The following CDH10 variants were observed in gnomAD, a reference collection of about 807,000 sequenced individuals.
The protein encoded by CDH10 is cadherin 10.
A neutral mutation model predicts 73.1 loss-of-function variants in CDH10; 30 were observed. The observed-to-expected ratio is 0.41, with a 90% confidence interval of 0.31 to 0.56. The LOEUF (loss-of-function observed/expected upper bound fraction) is 0.56. Ranked by LOEUF, CDH10 falls within the 20% of genes least tolerant of loss-of-function variation. The pLI is 0.27. For synonymous variants in CDH10, 345 were observed against 348.2 expected (o/e 0.99, Z 0.10); for missense variants, 815 against 973.7 (o/e 0.84, Z 2.17).
chr5:24,556,570 A>G (rs1744776846), intron 2 of CDH10, among the ~76,000 whole-genome samples: 1 of 151,790 alleles, frequency 6.6e-6, no homozygotes, highest in Non-Finnish European at 1.5e-5. Flanking sequence ...TATTTAATTA[A>G]AATCAGTTAT....
chr5:24,532,302 T>G (rs1033670088), intron 5 of CDH10, among the ~76,000 whole-genome samples: 1 of 152,072 alleles, frequency 6.6e-6, no homozygotes, highest in African/African-American at 2.4e-5. Context: ...GTCAACATTA[T>G]TGGATGCATA....
chr5:24,571,693 T>C (rs1745385972), intron 2 of CDH10, among the ~76,000 whole-genome samples: 1 of 140,828 alleles, frequency 7.1e-6, no homozygotes, highest in South Asian at 2.4e-4. Flanking sequence ...AATTCTATAA[T>C]AGCAATAGTT....
At chr5:24,633,045 T>G (rs759640981) in intron 1 of CDH10, among the ~76,000 whole-genome samples, 2 of 151,866 alleles carry the variant, frequency 1.3e-5, no homozygotes, top group East Asian at 3.9e-4. Context: ...GCTTATATAT[T>G]CCTATGAGCT....
At chr5:24,522,842 A>G (rs959845997) in intron 5 of CDH10, among the ~76,000 whole-genome samples, 9 of 152,184 alleles carry the variant, frequency 5.9e-5, no homozygotes, top group South Asian at 2.1e-4. Context: ...ATTTTAGCAC[A>G]TGAGACCTAA....
intron 1 of CDH10, among the ~76,000 whole-genome samples, chr5:24,632,559 C>T (rs1175561816): frequency 6.6e-6 from 1 of 151,950 alleles, no homozygotes; most frequent in Non-Finnish European, 1.5e-5. Flanking sequence ...TTCAGTCAGA[C>T]TATTGGGCTG....
At chr5:24,600,740 T>C (rs1232181060) in intron 1 of CDH10, among the ~76,000 whole-genome samples, 1 of 152,118 alleles carries the variant, frequency 6.6e-6, no homozygotes, top group African/African-American at 2.4e-5. Context: ...CATAGGTATG[T>C]AATGGGTTAT....
At chr5:24,495,783 C>T (rs1443283097) in intron 9 of CDH10, among the ~76,000 whole-genome samples, 10 of 149,814 alleles carry the variant, frequency 6.7e-5, no homozygotes, top group African/African-American at 1.7e-4. Flanking sequence ...ACCCAGGAGG[C>T]GGAGGTTGCA....
chr5:24,580,343 G>T (rs947957172), intron 2 of CDH10, among the ~76,000 whole-genome samples: 1 of 151,952 alleles, frequency 6.6e-6, no homozygotes, highest in African/African-American at 2.4e-5. Flanking sequence ...GATTTAGATG[G>T]CAAAGTTATA....
chr5:24,624,256 G>T (rs1321611166), intron 1 of CDH10, among the ~76,000 whole-genome samples: 1 of 152,010 alleles, frequency 6.6e-6, no homozygotes, highest in Non-Finnish European at 1.5e-5. Context: ...ACATTGTATT[G>T]TCTGATGCCA....
At chr5:24,493,622 T>C (rs1036983460) in intron 9 of CDH10, among the ~76,000 whole-genome samples, 8 of 151,872 alleles carry the variant, frequency 5.3e-5, no homozygotes, top group Admixed American at 4.6e-4. Context: ...CAAATATGTA[T>C]GTATGATGTA....
chr5:24,591,998 C>T (rs1746215668), intron 2 of CDH10, among the ~76,000 whole-genome samples: 2 of 151,974 alleles, frequency 1.3e-5, no homozygotes, highest in South Asian at 2.1e-4. Context: ...GCAACCTTCA[C>T]TCTCTATTCC....
chr5:24,518,355 T>C (rs904426440), intron 5 of CDH10, among the ~76,000 whole-genome samples: 3 of 152,060 alleles, frequency 2.0e-5, no homozygotes, highest in African/African-American at 7.2e-5. Flanking sequence ...CAAACGCATG[T>C]TGGAGACAGA....
intron 1 of CDH10, among the ~76,000 whole-genome samples, chr5:24,627,817 C>CA (rs1747563345): frequency 6.8e-6 from 1 of 147,132 alleles, no homozygotes; most frequent in Admixed American, 6.7e-5. Flanking sequence ...AGTGAAAGCA[C>CA]AACGATAGCT....
intron 1 of CDH10, among the ~76,000 whole-genome samples, chr5:24,604,898 A>AAAAAAAAAAAAAAC (rs1746703525): frequency 6.8e-6 from 1 of 147,496 alleles, no homozygotes; most frequent in African/African-American, 2.6e-5. Context: ...AAAAAAAACA[A>AAAAAAAAAAAAAAC]AAACAAACAA....
chr5:24,633,989 A>G (rs1579491044), intron 1 of CDH10, among the ~76,000 whole-genome samples: 1 of 151,898 alleles, frequency 6.6e-6, no homozygotes, highest in East Asian at 1.9e-4. Context: ...CAGAAATATT[A>G]GCAGCAATTT....
chr5:24,641,563 G>T, intron 1 of CDH10, among the ~76,000 whole-genome samples: 1 of 152,132 alleles, frequency 6.6e-6, no homozygotes, highest in East Asian at 1.9e-4. Context: ...TAAGTGTCAA[G>T]AAAAGATAAA....
At chr5:24,604,462 G>T (rs1281489521) in intron 1 of CDH10, among the ~76,000 whole-genome samples, 1 of 152,130 alleles carries the variant, frequency 6.6e-6, no homozygotes, top group Non-Finnish European at 1.5e-5. Context: ...AATTGGTAAA[G>T]ATTTCTTTGA....
Position 24,535,199 on chromosome 5 carries a change from C to G in CDH10, c.727G>C (p.Gly243Arg), listed in dbSNP as rs566786330. 5 of 1,613,466 alleles carry G rather than the reference C, an allele frequency of 3.1e-6. No individual in the cohort carries two copies. The highest frequency in any genetic ancestry group is 4.2e-6 in the Non-Finnish European group (5 of 1,179,656). The part of the protein sequence containing the change: ...YQVVIQAKDM[G>R]GQMGGLSGTT... ...CCCGATAAGCCTCCCATCTGGCCGC[C>G]CATGTCTTTGGCCTGGATGACCACT... Residue 243 changes from glycine to arginine, a missense_variant, in exon 5 of 12, where the codon GGC becomes CGC. Gly to Arg is a moderately radical substitution (Grantham distance 125). This residue lies in a region of CDH10 where 516 missense variants were observed against 636.6 expected (regional missense o/e 0.81). Coordinates refer to ENST00000264463, the MANE Select transcript of CDH10 (RefSeq NM_006727.5).
chr5:24,510,028 G>A (rs193167168), intron 6 of CDH10, among the ~76,000 whole-genome samples: 5 of 152,104 alleles, frequency 3.3e-5, no homozygotes, highest in East Asian at 3.9e-4. Flanking sequence ...GTAAAACTTC[G>A]GAACATAGGA....
Sources: gnomAD v4.1 joint callset for allele counts (sites outside exome capture counted in the v4.1 genomes callset) on GRCh38, gnomAD v4.1.1 for gene constraint, gnomAD v4.1.1 regional missense constraint, MANE v1.5 for transcripts, NCBI Gene and HGNC (gene_info 2026-07-23, HGNC 2026-07-21) for gene names.